The following KCNU1 variants were observed in gnomAD, a reference collection of about 807,000 sequenced individuals.
KCNU1 encodes potassium channel subfamily U member 1.
A neutral mutation model predicts 126.8 loss-of-function variants in KCNU1; 93 were observed. The ratio of observed to expected loss-of-function variants is 0.73; its 90% CI spans 0.62 to 0.87. KCNU1 has a LOEUF of 0.87. Among genes scored for constraint, KCNU1 ranks in the 40% least tolerant of loss-of-function variants. KCNU1 has a pLI of 0.00. For missense variants in KCNU1, 1,330 were observed against 1,367.1 expected (o/e 0.97, Z 0.43); for synonymous variants, 523 against 494.2 (o/e 1.06, Z -0.77).
At chr8:36,933,692 G>T (rs1298264930) in intron 26 of KCNU1, among the ~76,000 whole-genome samples, 2 of 152,112 alleles carry the variant, frequency 1.3e-5, no homozygotes, top group Non-Finnish European at 2.9e-5. Context: ...GATGGAACTT[G>T]TTCCAGGAGA....
intron 14 of KCNU1, among the ~76,000 whole-genome samples, chr8:36,838,342 T>C (rs1441865782): frequency 6.6e-6 from 1 of 152,220 alleles, no homozygotes; most frequent in African/African-American, 2.4e-5. Context: ...CTTATCCTCC[T>C]TCATGAAACT....
At chr8:36,796,574 A>G (rs1036145336) in intron 2 of KCNU1, among the ~76,000 whole-genome samples, 4 of 152,204 alleles carry the variant, frequency 2.6e-5, no homozygotes, top group African/African-American at 4.8e-5. Flanking sequence ...TTCTTGGTTG[A>G]CAGTGCCTTT....
At chr8:36,807,165 A>G (rs966168694) in intron 5 of KCNU1, among the ~76,000 whole-genome samples, 7 of 152,210 alleles carry the variant, frequency 4.6e-5, no homozygotes, top group African/African-American at 9.6e-5. Flanking sequence ...ATAAGGAACT[A>G]GAGAAGGCGA....
chr8:36,875,324 T>C (rs1035134919), intron 19 of KCNU1, among the ~76,000 whole-genome samples: 4 of 150,300 alleles, frequency 2.7e-5, no homozygotes, highest in African/African-American at 9.7e-5. Context: ...TATGTATGAC[T>C]TATTTATACA....
intron 2 of KCNU1, among the ~76,000 whole-genome samples, chr8:36,793,318 C>T (rs954033430): frequency 2.6e-5 from 4 of 151,084 alleles, no homozygotes; most frequent in Admixed American, 1.3e-4. Context: ...CAAACCTGCA[C>T]GTTGTGCACA....
intron 19 of KCNU1, among the ~76,000 whole-genome samples, chr8:36,902,509 G>A (rs931653467): frequency 2.6e-5 from 4 of 152,068 alleles, no homozygotes; most frequent in African/African-American, 9.7e-5. Context: ...TGAGTGCTGA[G>A]GGCAGACAGC....
intron 19 of KCNU1, among the ~76,000 whole-genome samples, chr8:36,881,273 T>A (rs1212421602): frequency 2.0e-5 from 3 of 152,204 alleles, no homozygotes; most frequent in Non-Finnish European, 4.4e-5. Flanking sequence ...AGACAGCATC[T>A]TGCTCTGTCA....
intron 24 of KCNU1, among the ~76,000 whole-genome samples, chr8:36,925,426 C>T (rs1808500947): frequency 1.3e-5 from 2 of 152,300 alleles, no homozygotes; most frequent in African/African-American, 2.4e-5. Context: ...TGCCCCAGCT[C>T]ATGAATCTTT....
chr8:36,804,969 A>G (rs1331795172), intron 3 of KCNU1, among the ~76,000 whole-genome samples: 3 of 152,186 alleles, frequency 2.0e-5, no homozygotes, highest in African/African-American at 7.2e-5. Flanking sequence ...AAAACAAATT[A>G]TGGGTAATTT....
At chr8:36,934,512 A>T (rs988957492) in intron 26 of KCNU1, among the ~76,000 whole-genome samples, 3 of 152,102 alleles carry the variant, frequency 2.0e-5, no homozygotes, top group Admixed American at 2.0e-4. Context: ...CAGCTCTTGC[A>T]ACATGATAAC....
At chr8:36,922,760 T>G in intron 24 of KCNU1, 131 bp downstream of exon 24, 2 of 892,018 alleles carry the variant, frequency 2.2e-6, no homozygotes, top group South Asian at 1.8e-5. Context: ...AACAAGCTTG[T>G]TCCCATACAT....
In KCNU1 at chr8:36,836,279, G is replaced by T. The variant is rs1414003162; in HGVS notation, c.1296-17G>T. ...GCTATGACACATGACTAATGAGAGT[G>T]TTTGGGGTTTATATAGGGTGCTCTC... On this transcript the variant is annotated splice_polypyrimidine_tract_variant and intron_variant, in intron 12 of 26. Coordinates refer to ENST00000399881, the MANE Select transcript of KCNU1 (RefSeq NM_001031836.3). The T allele has an allele frequency of 1.2e-5, 18 of 1,550,688 alleles. No individual in the cohort carries two copies. The highest frequency in any genetic ancestry group is 1.4e-5 in the Non-Finnish European group (16 of 1,123,486).
chr8:36,804,056 G>C lies in KCNU1; in HGVS notation c.345G>C (p.Gly115=), dbSNP rs1346318222. ...LVILVFVLSI[G]SLIIYFINSA... is the part of the protein sequence containing the mutation. ...TCCTTGTCTTTGTACTAAGCATTGG[G>C]TCTCTTATAATCTATTTCATCAATT... The change falls in exon 3 of 27, where the codon GGG becomes GGC. Residue 115 remains glycine (G), a synonymous_variant. Transcript: ENST00000399881. 5 of 1,559,874 alleles carry C rather than the reference G, an allele frequency of 3.2e-6. No homozygotes were observed. The East Asian group carries it at 1.2e-4, about 36-fold the overall frequency.
chr8:36,798,690 T>A (rs1386999606), intron 2 of KCNU1, among the ~76,000 whole-genome samples: 1 of 152,170 alleles, frequency 6.6e-6, no homozygotes, highest in Non-Finnish European at 1.5e-5. Flanking sequence ...CTCAACCAAT[T>A]GTCAACCAGA....
At chr8:36,841,047 TTTTTTTTTTC>T in intron 16 of KCNU1, 44 bp downstream of exon 16, 1 of 1,297,312 alleles carries the variant, frequency 7.7e-7, no homozygotes. Flanking sequence ...TTTTTTTTTT[TTTTTTTTTTC>T]CTGGAGATTC....
intron 14 of KCNU1, among the ~76,000 whole-genome samples, chr8:36,839,148 T>G (rs777686424): frequency 5.3e-5 from 8 of 152,230 alleles, no homozygotes; most frequent in Non-Finnish European, 1.2e-4. Flanking sequence ...CCATGTGTTT[T>G]AATTATATTG....
At position 36,807,399 on chromosome 8, in the gene KCNU1, G is replaced by T; in HGVS notation, c.605G>T (p.Arg202Leu). The change falls in exon 6 of 27, where the codon CGC becomes CTC. Residue 202 changes from arginine to leucine, a missense_variant. Arg to Leu is a moderately radical substitution (Grantham distance 102, BLOSUM62 -2). Transcript: ENST00000399881. ...WLGLRFLRAL[R>L]LLELPQILQI... ...GGTTTAAGGTTCCTAAGAGCCTTGCGCCTGCTAGAACTCCCTCAAATCTTG... is the reference window on the plus strand; with the variant it reads ...GGTTTAAGGTTCCTAAGAGCCTTGCTCCTGCTAGAACTCCCTCAAATCTTG... 1.2e-6 allele frequency: 2 copies of T among 1,613,316 alleles called. No individual in the cohort carries two copies. Among genetic ancestry groups the T allele is most frequent in the Non-Finnish European group, 8.5e-7 (1 of 1,179,476 alleles).
At chr8:36,824,362 C>T (rs761865819) in intron 10 of KCNU1, among the ~76,000 whole-genome samples, 1 of 152,102 alleles carries the variant, frequency 6.6e-6, no homozygotes, top group African/African-American at 2.4e-5. Context: ...ACTGCTTACA[C>T]GTACATTTTA....
intron 13 of KCNU1, 93 bp downstream of exon 13, chr8:36,836,458 T>C: frequency 1.1e-6 from 1 of 876,630 alleles, no homozygotes; most frequent in South Asian, 1.6e-5. Flanking sequence ...AAATAAAAAG[T>C]TTTTGCTAAT....
Sources: gnomAD v4.1 joint callset for allele counts (sites outside exome capture counted in the v4.1 genomes callset) on GRCh38, gnomAD v4.1.1 for gene constraint, MANE v1.5 for transcripts, NCBI Gene and HGNC (gene_info 2026-07-23, HGNC 2026-07-21) for gene names.